Variants in FAM193A observed in about 807,000 individuals in gnomAD.
FAM193A encodes family with sequence similarity 193 member A.
FAM193A carries 22 observed loss-of-function variants against 126.5 expected under a neutral mutation model. That is an observed-to-expected ratio of 0.17 (90% CI 0.12 to 0.25). FAM193A has a LOEUF of 0.25. Ranked by LOEUF, FAM193A falls within the 10% of genes least tolerant of loss-of-function variation. The pLI is 1.00. For synonymous variants in FAM193A, 761 were observed against 646.8 expected, an observed-to-expected ratio of 1.18 and a Z score of -2.68; for missense variants, 1,675 against 1,672.8, an observed-to-expected ratio of 1.00 and a Z score of -0.02.
intron 2 of FAM193A, among the ~76,000 whole-genome samples, chr4:2,613,401 T>C (rs561796793): frequency 1.3e-5 from 2 of 151,276 alleles, no homozygotes; most frequent in South Asian, 4.2e-4. Flanking sequence ...TTTTTGGATA[T>C]TGGCCATGTG....
chr4:2,641,844 C>A (rs1489873401), intron 6 of FAM193A, among the ~76,000 whole-genome samples: 1 of 152,102 alleles, frequency 6.6e-6, no homozygotes, highest in African/African-American at 2.4e-5. Flanking sequence ...TGGCTCATGC[C>A]TCTAGCCCCG....
At chr4:2,567,271 T>C (rs553689938) in intron 1 of FAM193A, among the ~76,000 whole-genome samples, 1 of 151,948 alleles carries the variant, frequency 6.6e-6, no homozygotes, top group African/African-American at 2.4e-5. Flanking sequence ...CCGGCCTGAC[T>C]AGCTGAATTT....
chr4:2,562,689 G>C (rs1335932820), intron 1 of FAM193A, among the ~76,000 whole-genome samples: 1 of 151,474 alleles, frequency 6.6e-6, no homozygotes, highest in Non-Finnish European at 1.5e-5. Flanking sequence ...GAGTGCAATG[G>C]TGAGATCTTG....
intron 4 of FAM193A, among the ~76,000 whole-genome samples, chr4:2,629,991 G>A (rs1406550113): frequency 2.0e-5 from 3 of 151,988 alleles, no homozygotes; most frequent in African/African-American, 4.8e-5. Context: ...AATTAGCCGG[G>A]CGTGGTGGCG....
chr4:2,638,640 C>G (rs1235710229), intron 5 of FAM193A, among the ~76,000 whole-genome samples: 3 of 152,240 alleles, frequency 2.0e-5, no homozygotes, highest in Non-Finnish European at 4.4e-5. Context: ...AGAGCTGTAT[C>G]CAGCAAGGCT....
intron 1 of FAM193A, among the ~76,000 whole-genome samples, chr4:2,538,350 C>T (rs1224384177): frequency 6.6e-6 from 1 of 151,916 alleles, no homozygotes; most frequent in Non-Finnish European, 1.5e-5. Flanking sequence ...TACAGGCATG[C>T]GCCACCATGC....
intron 2 of FAM193A, among the ~76,000 whole-genome samples, chr4:2,608,712 T>A (rs1264663253): frequency 2.0e-5 from 3 of 151,876 alleles, no homozygotes; most frequent in Non-Finnish European, 4.4e-5. Context: ...GAAGGAGAAA[T>A]TCAGAGAAGA....
At chr4:2,687,116 C>T (rs1264488665) in intron 13 of FAM193A, among the ~76,000 whole-genome samples, 1 of 152,040 alleles carries the variant, frequency 6.6e-6, no homozygotes, top group African/African-American at 2.4e-5. Context: ...TGTTCCAGGT[C>T]AGTGGACTCG....
rs370421423 is a variant in FAM193A, at chr4:2,538,362, C to G, written c.255+1192C>G. On this transcript the variant is annotated intron_variant, in intron 1 of 20. Transcript: ENST00000637812. ...GACTACAGGCATGCGCCACCATGCC[C>G]GGCTAATTTTTGTAGAGACAGGGTT... is the stretch of plus-strand genomic sequence containing the variant. Among the ~76,000 whole-genome samples the G allele has an allele frequency of 4.7e-4, 71 of 151,926 alleles. 1 individual carries two copies. The East Asian group carries it at 8.3e-3, about 18-fold the overall frequency.
At chr4:2,572,519 A>G (rs1739353790) in intron 1 of FAM193A, among the ~76,000 whole-genome samples, 1 of 151,936 alleles carries the variant, frequency 6.6e-6, no homozygotes, top group Non-Finnish European at 1.5e-5. Context: ...TGATTTGTAA[A>G]CTGAGAGATG....
At chr4:2,607,962 C>T in intron 2 of FAM193A, 1 of 1,513,348 alleles carries the variant, frequency 6.6e-7, no homozygotes, top group Non-Finnish European at 8.9e-7. Context: ...TTTTTTTAAC[C>T]TTGAGATGCT....
Position 2,659,845 on chromosome 4 carries a change from C to A in FAM193A, c.1536C>A (p.Ile512=). The change falls in exon 10 of 21, where the codon ATC becomes ATA. Residue 512 remains isoleucine, a synonymous_variant. Coordinates refer to ENST00000637812, the MANE Select transcript of FAM193A (RefSeq NM_001366318.2). ...CACDDCSLSH[I]LTCGIMDPPV... The stretch of plus-strand genomic sequence containing the variant: ...GCGATGACTGCAGTCTCTCACACAT[C>A]CTCACGTGTGGTATCATGGACCCCC... 1.2e-6 allele frequency: 2 copies of A among 1,614,090 alleles called. No individual in the cohort carries two copies. Among genetic ancestry groups the A allele is most frequent in the Non-Finnish European group, 8.5e-7 (1 of 1,179,984 alleles).
intron 5 of FAM193A, among the ~76,000 whole-genome samples, chr4:2,637,637 T>C (rs953859042): frequency 6.6e-6 from 1 of 152,218 alleles, no homozygotes; most frequent in Non-Finnish European, 1.5e-5. Flanking sequence ...TGCCTCTAGC[T>C]CAGCAGTTCT....
At chr4:2,668,514 A>G (rs1036753816) in intron 12 of FAM193A, among the ~76,000 whole-genome samples, 4 of 152,020 alleles carry the variant, frequency 2.6e-5, no homozygotes, top group African/African-American at 9.7e-5. Flanking sequence ...CCCGCCCACA[A>G]TATGCATCTT....
chr4:2,596,750 A>ACAGAGAGGCCG (rs1314274051), intron 2 of FAM193A, among the ~76,000 whole-genome samples: 1 of 151,934 alleles, frequency 6.6e-6, no homozygotes. Flanking sequence ...CTTCGAGGCC[A>ACAGAGAGGCCG]CAGCAGGCTT....
At chr4:2,691,536 G>GT (rs1466000897) in intron 15 of FAM193A, among the ~76,000 whole-genome samples, 47 of 152,262 alleles carry the variant, frequency 3.1e-4, no homozygotes, top group Admixed American at 2.6e-3. Flanking sequence ...CCAGCCTAGG[G>GT]TACAGCCCCT....
chr4:2,602,570 C>G (rs762384496), intron 2 of FAM193A, among the ~76,000 whole-genome samples: 2 of 151,976 alleles, frequency 1.3e-5, no homozygotes, highest in African/African-American at 4.8e-5. Flanking sequence ...CCAGGCTGTT[C>G]TTGAACTCCT....
chr4:2,721,110 G>A (rs556055814), intron 20 of FAM193A, among the ~76,000 whole-genome samples: 2 of 152,122 alleles, frequency 1.3e-5, no homozygotes, highest in South Asian at 4.1e-4. Flanking sequence ...CCAGGAGCTC[G>A]AAACCATCCT....
chr4:2,648,373 C>G (rs1273415592), intron 7 of FAM193A, among the ~76,000 whole-genome samples: 1 of 152,192 alleles, frequency 6.6e-6, no homozygotes, highest in Non-Finnish European at 1.5e-5. Flanking sequence ...TCAGAGATCA[C>G]TTTGGTCCTG....
Sources: allele counts gnomAD v4.1 joint callset (sites outside exome capture counted in the v4.1 genomes callset), GRCh38; gene constraint gnomAD v4.1.1; transcripts MANE v1.5; gene names NCBI Gene and HGNC (gene_info 2026-07-23, HGNC 2026-07-21).